Variants in NEO1 observed in about 807,000 individuals in gnomAD.
NEO1 encodes the protein neogenin.
Under a neutral mutation model 159.7 loss-of-function variants are expected in NEO1, and 63 were observed. That is an observed-to-expected ratio of 0.39 (90% CI 0.32 to 0.49). NEO1 has a LOEUF of 0.49. Among genes scored for constraint, NEO1 ranks in the 20% least tolerant of loss-of-function variants. The pLI, the probability that NEO1 is intolerant of heterozygous loss-of-function variation, is 0.85. For missense variants in NEO1, 1,615 were observed against 1,831.0 expected, an observed-to-expected ratio of 0.88 and a Z score of 2.15; for synonymous variants, 633 against 662.0, an observed-to-expected ratio of 0.96 and a Z score of 0.67.
intron 1 of NEO1, among the ~76,000 whole-genome samples, chr15:73,097,463 C>A (rs763745584): frequency 6.8e-6 from 1 of 147,616 alleles, no homozygotes; most frequent in African/African-American, 2.5e-5. Flanking sequence ...CAGGTTCAAG[C>A]GATTCTGCTG....
chr15:73,194,196 A>G (rs545429587), intron 7 of NEO1, among the ~76,000 whole-genome samples: 5 of 152,284 alleles, frequency 3.3e-5, no homozygotes, highest in African/African-American at 1.2e-4. Flanking sequence ...TAGAGAGGAA[A>G]ATATGGAATC....
intron 1 of NEO1, among the ~76,000 whole-genome samples, chr15:73,077,168 C>T (rs1595919939): frequency 1.3e-5 from 2 of 152,100 alleles, no homozygotes; most frequent in African/African-American, 2.4e-5. Flanking sequence ...CTCAGCCTCC[C>T]GAGTAGCTGG....
chr15:73,181,721 C>T (rs2035623181), intron 7 of NEO1, among the ~76,000 whole-genome samples: 1 of 152,082 alleles, frequency 6.6e-6, no homozygotes, highest in Non-Finnish European at 1.5e-5. Context: ...CCCCCATGAC[C>T]CAAACACCTC....
At chr15:73,105,877 A>T (rs554310543) in intron 1 of NEO1, among the ~76,000 whole-genome samples, 1 of 152,294 alleles carries the variant, frequency 6.6e-6, no homozygotes, top group East Asian at 1.9e-4. Flanking sequence ...CATTTAGTTA[A>T]GATGGTATCT....
intron 1 of NEO1, among the ~76,000 whole-genome samples, chr15:73,089,488 G>A (rs902059886): frequency 3.3e-5 from 5 of 151,996 alleles, no homozygotes; most frequent in African/African-American, 1.2e-4. Context: ...AAAATGGAAT[G>A]AAGACTTTGG....
At chr15:73,096,300 C>T (rs1200421510) in intron 1 of NEO1, among the ~76,000 whole-genome samples, 1 of 152,170 alleles carries the variant, frequency 6.6e-6, no homozygotes, top group South Asian at 2.1e-4. Flanking sequence ...ACCATTGTGC[C>T]CAGATCAGCT....
chr15:73,094,586 C>G (rs1314267648), intron 1 of NEO1, among the ~76,000 whole-genome samples: 1 of 152,152 alleles, frequency 6.6e-6, no homozygotes, highest in Admixed American at 6.5e-5. Flanking sequence ...GAATTAGTAT[C>G]TACACAATTG....
chr15:73,187,491 TGAAAGATACGTATCATGTA>T (rs2035997870), intron 7 of NEO1, among the ~76,000 whole-genome samples: 1 of 152,182 alleles, frequency 6.6e-6, no homozygotes, highest in South Asian at 2.1e-4. Context: ...CTATCACGGC[TGAAAGATACGTATCATGTA>T]GTACAGTGGT....
rs2037242656 is a variant in NEO1, at chr15:73,206,611, T to A, written c.1291+28184T>A. On this transcript the variant is annotated intron_variant, in intron 7 of 28. Transcript: ENST00000261908. ...GTTTTTGTTGTTGTTGTTGTTTTGT[T>A]TTGTTTTTTTAATTACTCATGTATT... 2.0e-5 allele frequency among the ~76,000 whole-genome samples: 3 copies of A among 152,074 alleles called. No homozygotes were observed. The South Asian group carries it at 6.3e-4, about 32-fold the overall frequency.
At chr15:73,156,359 T>A (rs928328414) in intron 5 of NEO1, among the ~76,000 whole-genome samples, 2 of 152,206 alleles carry the variant, frequency 1.3e-5, no homozygotes, top group Non-Finnish European at 1.5e-5. Flanking sequence ...GGGCTAAGTA[T>A]GTCTATCATT....
intron 7 of NEO1, among the ~76,000 whole-genome samples, chr15:73,189,206 A>G (rs2036104603): frequency 6.6e-6 from 1 of 152,208 alleles, no homozygotes; most frequent in Admixed American, 6.5e-5. Context: ...TTAGAAATAC[A>G]GTTACTCCTT....
intron 26 of NEO1, among the ~76,000 whole-genome samples, chr15:73,293,783 A>G (rs1031170466): frequency 1.3e-5 from 2 of 152,224 alleles, no homozygotes; most frequent in African/African-American, 4.8e-5. Context: ...AGTATCTCTA[A>G]TCACATAAGC....
intron 2 of NEO1, among the ~76,000 whole-genome samples, chr15:73,119,532 G>T (rs943500399): frequency 4.6e-5 from 7 of 152,166 alleles, no homozygotes; most frequent in Non-Finnish European, 8.8e-5. Context: ...CCCAGAGGTG[G>T]GGTAATAGGG....
At chr15:73,242,834 T>A (rs1352388187) in intron 8 of NEO1, among the ~76,000 whole-genome samples, 1 of 151,146 alleles carries the variant, frequency 6.6e-6, no homozygotes, top group Non-Finnish European at 1.5e-5. Flanking sequence ...GCAGAAGAGG[T>A]GGAGGAAATG....
chr15:73,288,298 G>T lies in NEO1; in HGVS notation c.3411-15G>T. On this transcript the variant is annotated splice_polypyrimidine_tract_variant and intron_variant, in intron 23 of 28. Coordinates refer to ENST00000261908, the MANE Select transcript of NEO1 (RefSeq NM_002499.4). ...TGAGTTACTTTTTAAAAGCTCCTCT[G>T]AACTTCGTGCCTAGGAAACGAGCTG... 2 of 1,606,518 alleles carry T rather than the reference G, an allele frequency of 1.2e-6. No homozygotes were observed. The highest frequency in any genetic ancestry group is 1.3e-5 in the African/African-American group (1 of 74,794).
chr15:73,178,666 TAATA>T (rs1399026811), intron 7 of NEO1, among the ~76,000 whole-genome samples: 4 of 152,214 alleles, frequency 2.6e-5, no homozygotes, highest in Non-Finnish European at 5.9e-5. Flanking sequence ...ATTATAGTCT[TAATA>T]AATTAATTTT....
chr15:73,184,109 T>C (rs1453951081), intron 7 of NEO1, among the ~76,000 whole-genome samples: 1 of 152,104 alleles, frequency 6.6e-6, no homozygotes, highest in Admixed American at 6.5e-5. Flanking sequence ...TCTTAGAAAA[T>C]ATACCATTCA....
chr15:73,281,174 C>T lies in NEO1; in HGVS notation c.3263-1790C>T, dbSNP rs1220506791. Among the ~76,000 whole-genome samples, 126 of 145,896 alleles carry T rather than the reference C, an allele frequency of 8.6e-4. 1 individual carries two copies. Among genetic ancestry groups the T allele is most frequent in the African/African-American group, 3.0e-3 (121 of 40,180 alleles). On this transcript the variant is annotated intron_variant, in intron 22 of 28. Coordinates refer to ENST00000261908, the MANE Select transcript of NEO1 (RefSeq NM_002499.4). ...AGTGAGCGGAGATTGTGCCACTGTA[C>T]TCCAGCCTGGACGACAGAGCGAGAC...
chr15:73,077,013 T>C (rs961559846), intron 1 of NEO1, among the ~76,000 whole-genome samples: 3 of 152,160 alleles, frequency 2.0e-5, no homozygotes, highest in South Asian at 4.2e-4. Flanking sequence ...GATAGTGATA[T>C]CTTATAATAA....
Sources: allele counts gnomAD v4.1 joint callset (sites outside exome capture counted in the v4.1 genomes callset), GRCh38; gene constraint gnomAD v4.1.1; transcripts MANE v1.5; gene names NCBI Gene and HGNC (gene_info 2026-07-23, HGNC 2026-07-21).